NFIA: variants seen among roughly 807,000 people sequenced by gnomAD.
NFIA encodes nuclear factor I A.
In NFIA, 8 loss-of-function variants were observed where a neutral mutation model predicts 62.8. The observed-to-expected ratio is 0.13, with a 90% CI of 0.07 to 0.23. The LOEUF (loss-of-function observed/expected upper bound fraction) is 0.23, where lower values mean the gene tolerates loss of function less well. Among genes scored for constraint, NFIA ranks in the 10% least tolerant of loss-of-function variants. The pLI, the probability that NFIA is intolerant of heterozygous loss-of-function variation, is 1.00. For missense variants in NFIA, 410 were observed against 642.1 expected, an observed-to-expected ratio of 0.64 and a Z score of 3.91; for synonymous variants, 235 against 238.1, an observed-to-expected ratio of 0.99 and a Z score of 0.12.
intron 2 of NFIA, among the ~76,000 whole-genome samples, chr1:61,102,056 A>G (rs1213386061): frequency 2.0e-5 from 3 of 152,222 alleles, no homozygotes; most frequent in African/African-American, 7.2e-5. Context: ...TTTTCTTTGT[A>G]TAGAGCACAG....
chr1:61,122,181 C>T (rs185620101), intron 2 of NFIA, among the ~76,000 whole-genome samples: 27 of 152,210 alleles, frequency 1.8e-4, no homozygotes, highest in Admixed American at 1.3e-3. Flanking sequence ...TTTAATACCA[C>T]GAATGGGAAC....
intron 5 of NFIA, among the ~76,000 whole-genome samples, chr1:61,354,294 T>C (rs762635677): frequency 5.9e-5 from 9 of 152,210 alleles, no homozygotes; most frequent in Non-Finnish European, 1.2e-4. Flanking sequence ...CTTCCTAGGA[T>C]GATTTTTAAA....
chr1:61,277,049 A>G (rs1051897646), intron 2 of NFIA, among the ~76,000 whole-genome samples: 1 of 152,220 alleles, frequency 6.6e-6, no homozygotes, highest in Admixed American at 6.5e-5. Flanking sequence ...TGTTGCTGGA[A>G]TGCAGAGCTA....
chr1:61,365,850 C>T (rs978389735), intron 6 of NFIA, among the ~76,000 whole-genome samples: 3 of 152,136 alleles, frequency 2.0e-5, no homozygotes, highest in East Asian at 1.9e-4. Flanking sequence ...TCTCTAATCA[C>T]GTGAAATATC....
intron 4 of NFIA, among the ~76,000 whole-genome samples, chr1:61,342,243 CTGTTGATACGGTTTGGTTTCCT>C (rs1661962254): frequency 2.0e-5 from 3 of 151,678 alleles, no homozygotes; most frequent in Admixed American, 1.3e-4. Context: ...GGATGGGACT[CTGTTGATACGGTTTGGTTTCCT>C]AATAGCTAAT....
chr1:61,449,025 A>T (rs144453688), intron 10 of NFIA, among the ~76,000 whole-genome samples: 19 of 152,366 alleles, frequency 1.2e-4, no homozygotes, highest in African/African-American at 4.6e-4. Context: ...GGCTGGGAGC[A>T]GCACAGTCAT....
chr1:61,433,945 A>T (rs772007772), intron 10 of NFIA, among the ~76,000 whole-genome samples: 33 of 152,298 alleles, frequency 2.2e-4, no homozygotes, highest in Non-Finnish European at 3.5e-4. Flanking sequence ...TACTTACCAA[A>T]AGCAACCGTC....
At chr1:61,411,148 G>T (rs1241036898) in intron 9 of NFIA, among the ~76,000 whole-genome samples, 1 of 152,084 alleles carries the variant, frequency 6.6e-6, no homozygotes, top group African/African-American at 2.4e-5. Context: ...ACAAATGGAT[G>T]CCAGCCTGGA....
intron 2 of NFIA, among the ~76,000 whole-genome samples, chr1:61,163,743 A>G (rs1374225061): frequency 6.6e-6 from 1 of 152,210 alleles, no homozygotes; most frequent in Admixed American, 6.5e-5. Flanking sequence ...GTTGGTTTTA[A>G]TGGTGCTTTG....
chr1:61,078,275 A>T (rs540528564), upstream of NFIA, among the ~76,000 whole-genome samples: 3 of 151,960 alleles, frequency 2.0e-5, no homozygotes, highest in East Asian at 5.8e-4. Context: ...AAAAAAAAAA[A>T]GCTGATCGGG....
rs145430110 is a variant in NFIA, at chr1:61,428,604, A to G, written c.1512+2048A>G. 2.0e-3 allele frequency among the ~76,000 whole-genome samples: 302 copies of G among 152,150 alleles called. No homozygotes were observed. The Middle Eastern group carries it at 0.02, about 10-fold the overall frequency. ...TAAATATTTTAATTTTAAGGTATAT[A>G]TATTAACTCTTCCCTTAAATGAGGA... On this transcript the variant is annotated intron_variant, in intron 10 of 10. Transcript: ENST00000403491.
intron 6 of NFIA, among the ~76,000 whole-genome samples, chr1:61,366,789 G>A (rs1331419530): frequency 6.6e-6 from 1 of 152,208 alleles, no homozygotes; most frequent in African/African-American, 2.4e-5. Context: ...TGGGCGTGGC[G>A]GCGCCCTCCT....
intron 3 of NFIA, among the ~76,000 whole-genome samples, chr1:61,331,696 G>A (rs1661306694): frequency 1.3e-5 from 2 of 152,024 alleles, no homozygotes; most frequent in Non-Finnish European, 2.9e-5. Flanking sequence ...GAGGTAGAGT[G>A]GGAAACTACA....
chr1:61,229,965 C>T (rs1570419161), intron 2 of NFIA, among the ~76,000 whole-genome samples: 1 of 152,058 alleles, frequency 6.6e-6, no homozygotes, highest in East Asian at 1.9e-4. Flanking sequence ...GCTGCTATCA[C>T]CATTATTATT....
chr1:61,424,425 T>G (rs1666774628), intron 9 of NFIA, among the ~76,000 whole-genome samples: 1 of 151,834 alleles, frequency 6.6e-6, no homozygotes, highest in South Asian at 2.1e-4. Flanking sequence ...GGTAAGAATG[T>G]CATAGGAAAT....
At chr1:61,223,829 T>G (rs1654162977) in intron 2 of NFIA, among the ~76,000 whole-genome samples, 1 of 152,172 alleles carries the variant, frequency 6.6e-6, no homozygotes, top group Non-Finnish European at 1.5e-5. Flanking sequence ...ACAAATACTT[T>G]GAGGTTTTCT....
At chr1:61,351,521 A>G (rs1662549138) in intron 4 of NFIA, among the ~76,000 whole-genome samples, 2 of 152,206 alleles carry the variant, frequency 1.3e-5, no homozygotes, top group African/African-American at 4.8e-5. Flanking sequence ...TAACCTTTCA[A>G]AAAGATTATT....
At chr1:61,223,234 C>T (rs773553993) in intron 2 of NFIA, among the ~76,000 whole-genome samples, 1 of 151,938 alleles carries the variant, frequency 6.6e-6, no homozygotes, top group African/African-American at 2.4e-5. Context: ...AGAAGTAAAT[C>T]ATTTATTACC....
intron 5 of NFIA, 95 bp from the exon 6 acceptor site, chr1:61,359,052 G>A (rs1663138538): frequency 6.5e-7 from 1 of 1,534,742 alleles, no homozygotes; most frequent in African/African-American, 1.4e-5. Flanking sequence ...TTGCCCAATT[G>A]CTTCCTCCCT....
Sources: allele counts gnomAD v4.1 joint callset (sites outside exome capture counted in the v4.1 genomes callset), GRCh38; gene constraint gnomAD v4.1.1; transcripts MANE v1.5; gene names NCBI Gene and HGNC (gene_info 2026-07-23, HGNC 2026-07-21).